The following PPP2R2B variants were observed in gnomAD, a reference collection of about 807,000 sequenced individuals.
PPP2R2B encodes the protein serine/threonine-protein phosphatase 2A 55 kDa regulatory subunit B beta isoform.
A neutral mutation model predicts 46.0 loss-of-function variants in PPP2R2B; 5 were observed. The ratio of observed to expected loss-of-function variants is 0.11; its 90% CI spans 0.06 to 0.23. PPP2R2B has a LOEUF of 0.23. PPP2R2B is among the 10% of genes least tolerant of loss of function. The pLI is 1.00. For missense variants in PPP2R2B, 367 were observed against 575.0 expected (o/e 0.64, Z 3.70); for synonymous variants, 215 against 206.7 (o/e 1.04, Z -0.34).
chr5:146,671,974 A>G (rs1218289609), intron 5 of PPP2R2B, among the ~76,000 whole-genome samples: 1 of 152,192 alleles, frequency 6.6e-6, no homozygotes, highest in Admixed American at 6.5e-5. Context: ...GAGAGAATAA[A>G]GGGAATATTT....
At chr5:146,920,819 A>G (rs1434555241) in intron 1 of PPP2R2B, among the ~76,000 whole-genome samples, 2 of 152,160 alleles carry the variant, frequency 1.3e-5, no homozygotes, top group East Asian at 3.9e-4. Flanking sequence ...AGTATCCCCT[A>G]CGTTTGAAAA....
At chr5:147,021,392 T>A (rs1305572604) in intron 1 of PPP2R2B, among the ~76,000 whole-genome samples, 1 of 152,120 alleles carries the variant, frequency 6.6e-6, no homozygotes, top group Non-Finnish European at 1.5e-5. Context: ...GAGAAAGAGT[T>A]TGAGAAATCT....
At chr5:146,695,145 A>G (rs1170801441) in intron 4 of PPP2R2B, among the ~76,000 whole-genome samples, 1 of 152,150 alleles carries the variant, frequency 6.6e-6, no homozygotes, top group Admixed American at 6.5e-5. Context: ...ATAAAAACCT[A>G]GTTACAAAAG....
At chr5:147,035,687 G>A (rs1171952211) in intron 1 of PPP2R2B, among the ~76,000 whole-genome samples, 1 of 152,060 alleles carries the variant, frequency 6.6e-6, no homozygotes, top group East Asian at 1.9e-4. Context: ...GTTTGAAATA[G>A]GAGAGAATGG....
upstream of PPP2R2B, among the ~76,000 whole-genome samples, chr5:146,881,006 TG>T (rs1223233428): frequency 6.7e-6 from 1 of 150,258 alleles, no homozygotes; most frequent in Non-Finnish European, 1.5e-5. Flanking sequence ...CACAACGACC[TG>T]TGGTGGAGGT....
chr5:146,706,948 G>C (rs1302752162), intron 2 of PPP2R2B: 4 of 1,073,490 alleles, frequency 3.7e-6, no homozygotes, highest in Non-Finnish European at 4.3e-6. Flanking sequence ...GCTGCCTGAG[G>C]AAGTTGATAT....
chr5:147,012,540 C>G (rs867035809), intron 1 of PPP2R2B, among the ~76,000 whole-genome samples: 1 of 152,116 alleles, frequency 6.6e-6, no homozygotes, highest in Non-Finnish European at 1.5e-5. Context: ...CTCCTGGATT[C>G]ATTAATTTTT....
chr5:146,700,749 G>A (rs1779488033), intron 3 of PPP2R2B, among the ~76,000 whole-genome samples: 1 of 152,154 alleles, frequency 6.6e-6, no homozygotes, highest in African/African-American at 2.4e-5. Flanking sequence ...ATTGAAAAAG[G>A]AGGAGTTACG....
intron 1 of PPP2R2B, among the ~76,000 whole-genome samples, chr5:146,895,274 A>G (rs1762609594): frequency 6.6e-6 from 1 of 152,192 alleles, no homozygotes; most frequent in African/African-American, 2.4e-5. Flanking sequence ...AGAGGAAAGA[A>G]TTCTTGCTGA....
chr5:146,817,080 G>A (rs1032062372), intron 2 of PPP2R2B, among the ~76,000 whole-genome samples: 1 of 152,142 alleles, frequency 6.6e-6, no homozygotes, highest in African/African-American at 2.4e-5. Flanking sequence ...ATGCAGGCAG[G>A]TGGCTTTGTA....
At chr5:146,963,590 C>T (rs1027799248) in intron 1 of PPP2R2B, among the ~76,000 whole-genome samples, 2 of 152,200 alleles carry the variant, frequency 1.3e-5, no homozygotes, top group African/African-American at 4.8e-5. Context: ...GGTTTATCAG[C>T]AATTATTCTG....
At chr5:146,902,735 T>C (rs1762874375) in intron 1 of PPP2R2B, among the ~76,000 whole-genome samples, 1 of 152,202 alleles carries the variant, frequency 6.6e-6, no homozygotes, top group African/African-American at 2.4e-5. Flanking sequence ...ACATTCAAAC[T>C]CCTTAAGCTG....
intron 6 of PPP2R2B, among the ~76,000 whole-genome samples, chr5:146,646,329 A>G (rs1162488927): frequency 1.3e-5 from 2 of 152,226 alleles, no homozygotes; most frequent in East Asian, 1.9e-4. Flanking sequence ...GATTCTAGGT[A>G]TACCATAGTT....
At chr5:146,656,214 C>T (rs1352983315) in intron 5 of PPP2R2B, among the ~76,000 whole-genome samples, 1 of 151,720 alleles carries the variant, frequency 6.6e-6, no homozygotes, top group Admixed American at 6.6e-5. Context: ...GTGGGGTGGT[C>T]ATAGAAGGCC....
At chr5:146,924,278 C>G (rs1026234265) in intron 1 of PPP2R2B, among the ~76,000 whole-genome samples, 1 of 152,168 alleles carries the variant, frequency 6.6e-6, no homozygotes, top group Non-Finnish European at 1.5e-5. Context: ...CTCTGACACC[C>G]CTGTGCTGTC....
At chr5:146,779,637 G>C (rs918094740) in intron 2 of PPP2R2B, among the ~76,000 whole-genome samples, 1 of 152,054 alleles carries the variant, frequency 6.6e-6, no homozygotes, top group African/African-American at 2.4e-5. Flanking sequence ...TATGTTCCTT[G>C]CTGTTCTCTG....
chr5:146,609,150 C>T (rs536430462), intron 7 of PPP2R2B, among the ~76,000 whole-genome samples: 2 of 152,038 alleles, frequency 1.3e-5, no homozygotes, highest in Non-Finnish European at 2.9e-5. Flanking sequence ...GTCATATCAA[C>T]AGAATGAAGG....
chr5:146,835,415 G>A (rs1759220401), intron 2 of PPP2R2B, among the ~76,000 whole-genome samples: 1 of 152,074 alleles, frequency 6.6e-6, no homozygotes, highest in Admixed American at 6.5e-5. Context: ...GCCCACTTCA[G>A]CAGGTCAGTT....
chr5:147,026,793 T>C (rs1420481302), intron 1 of PPP2R2B, among the ~76,000 whole-genome samples: 1 of 152,148 alleles, frequency 6.6e-6, no homozygotes, highest in Admixed American at 6.5e-5. Flanking sequence ...AGAGTGGCAA[T>C]TGCAAATGTT....
Sources: allele counts gnomAD v4.1 joint callset (sites outside exome capture counted in the v4.1 genomes callset), GRCh38; gene constraint gnomAD v4.1.1; transcripts MANE v1.5; gene names NCBI Gene and HGNC (gene_info 2026-07-23, HGNC 2026-07-21).